The following KCNH8 variants were observed in gnomAD, a reference collection of about 807,000 sequenced individuals.
The protein encoded by KCNH8 is potassium voltage-gated channel subfamily H member 8.
A neutral mutation model predicts 103.6 loss-of-function variants in KCNH8; 70 were observed. The ratio of observed to expected loss-of-function variants is 0.68; its 90% confidence interval spans 0.56 to 0.82. KCNH8 has a LOEUF of 0.82. KCNH8 is among the 40% of genes least tolerant of loss of function. The pLI, the probability that KCNH8 is intolerant of heterozygous loss-of-function variation, is 0.00. For missense variants in KCNH8, 1,217 were observed against 1,329.9 expected (o/e 0.92, Z 1.32); for synonymous variants, 498 against 489.4 (o/e 1.02, Z -0.23).
intron 1 of KCNH8, among the ~76,000 whole-genome samples, chr3:19,176,267 C>G (rs1267195641): frequency 2.0e-5 from 3 of 152,080 alleles, no homozygotes; most frequent in Non-Finnish European, 4.4e-5. Context: ...AAGCTGGAGG[C>G]TTAGAGAGGC....
intron 3 of KCNH8, among the ~76,000 whole-genome samples, chr3:19,330,535 T>G (rs764603638): frequency 2.6e-5 from 4 of 152,200 alleles, no homozygotes; most frequent in Non-Finnish European, 5.9e-5. Context: ...TTAAGTTGAA[T>G]TGAAGTTATT....
intron 11 of KCNH8, among the ~76,000 whole-genome samples, chr3:19,506,464 A>G (rs1362314633): frequency 1.3e-5 from 2 of 152,156 alleles, no homozygotes; most frequent in Admixed American, 6.5e-5. Context: ...CTGTGATTCA[A>G]TAGGTGGTGC....
chr3:19,498,515 C>T (rs1274147455), intron 11 of KCNH8, among the ~76,000 whole-genome samples: 2 of 152,138 alleles, frequency 1.3e-5, no homozygotes, highest in Non-Finnish European at 2.9e-5. Context: ...CTTAGTTTGG[C>T]TGGATATAAA....
intron 15 of KCNH8, among the ~76,000 whole-genome samples, chr3:19,519,407 T>C (rs931699758): frequency 6.6e-6 from 1 of 151,758 alleles, no homozygotes; most frequent in Admixed American, 6.6e-5. Context: ...TAGCTTGTCA[T>C]AAACTCTGCA....
At chr3:19,429,647 G>A (rs2067089795) in intron 7 of KCNH8, among the ~76,000 whole-genome samples, 4 of 152,098 alleles carry the variant, frequency 2.6e-5, no homozygotes, top group African/African-American at 9.7e-5. Context: ...TTTCATGCGA[G>A]TTTTTGTACA....
intron 1 of KCNH8, among the ~76,000 whole-genome samples, chr3:19,173,064 A>G (rs962773780): frequency 6.6e-6 from 1 of 152,212 alleles, no homozygotes; most frequent in Non-Finnish European, 1.5e-5. Flanking sequence ...CTCTCAACTC[A>G]GGCTACATAT....
chr3:19,290,091 G>A (rs2064896445), intron 3 of KCNH8, among the ~76,000 whole-genome samples: 1 of 152,088 alleles, frequency 6.6e-6, no homozygotes, highest in South Asian at 2.1e-4. Context: ...TTTGTACATT[G>A]ATTTTGTATC....
chr3:19,488,279 T>C (rs761706211), intron 11 of KCNH8, among the ~76,000 whole-genome samples: 37 of 152,230 alleles, frequency 2.4e-4, no homozygotes, highest in Non-Finnish European at 4.7e-4. Context: ...CTCCTTTTCT[T>C]TCCCTTTTGG....
intron 3 of KCNH8, among the ~76,000 whole-genome samples, chr3:19,306,565 C>G (rs139344598): frequency 2.2e-4 from 34 of 152,140 alleles, no homozygotes; most frequent in African/African-American, 7.5e-4. Flanking sequence ...GGTCATACAG[C>G]TAGCAAGTAC....
chr3:19,173,992 CT>C (rs148923493), intron 1 of KCNH8, among the ~76,000 whole-genome samples: 5,744 of 149,928 alleles, frequency 0.038, 392 homozygotes, highest in African/African-American at 0.13. Flanking sequence ...AATCACATTC[CT>C]TTTTTTTCTC....
At chr3:19,304,758 A>G (rs1458269222) in intron 3 of KCNH8, among the ~76,000 whole-genome samples, 1 of 152,308 alleles carries the variant, frequency 6.6e-6, no homozygotes, top group East Asian at 1.9e-4. Context: ...TGTGCTGTCC[A>G]GTACAGTAAC....
intron 7 of KCNH8, among the ~76,000 whole-genome samples, chr3:19,430,126 T>C (rs1025395191): frequency 3.9e-5 from 6 of 152,208 alleles, no homozygotes; most frequent in African/African-American, 4.8e-5. Flanking sequence ...CTTTAATCCA[T>C]CTTGAGTTCA....
intron 1 of KCNH8, among the ~76,000 whole-genome samples, chr3:19,241,736 A>T (rs1319753790): frequency 6.6e-6 from 1 of 152,048 alleles, no homozygotes. Context: ...ACACACACAC[A>T]CACACACACA....
intron 7 of KCNH8, among the ~76,000 whole-genome samples, chr3:19,402,001 C>T (rs1408693775): frequency 6.6e-6 from 1 of 151,838 alleles, no homozygotes; most frequent in African/African-American, 2.4e-5. Flanking sequence ...ACCACAGTTT[C>T]CAAATGTGTT....
chr3:19,498,999 G>A (rs2068512919), intron 11 of KCNH8, among the ~76,000 whole-genome samples: 1 of 152,084 alleles, frequency 6.6e-6, no homozygotes, highest in Non-Finnish European at 1.5e-5. Context: ...AGATGGCTAT[G>A]GGAGGACATT....
At chr3:19,512,296 G>C (rs2068796315) in intron 12 of KCNH8, among the ~76,000 whole-genome samples, 1 of 152,154 alleles carries the variant, frequency 6.6e-6, no homozygotes, top group Non-Finnish European at 1.5e-5. Context: ...TCCCAGTCAA[G>C]AGTCCAGTAG....
chr3:19,199,362 G>A (rs532466411), intron 1 of KCNH8, among the ~76,000 whole-genome samples: 2 of 151,980 alleles, frequency 1.3e-5, no homozygotes, highest in African/African-American at 2.4e-5. Flanking sequence ...GAAACAAAGG[G>A]CATCACATCC....
At chr3:19,311,113 A>G (rs1462237658) in intron 3 of KCNH8, among the ~76,000 whole-genome samples, 1 of 151,576 alleles carries the variant, frequency 6.6e-6, no homozygotes, top group Non-Finnish European at 1.5e-5. Context: ...GCCCTACCCA[A>G]ACTCCCTTTA....
chr3:19,204,158 C>T (rs1392100097), intron 1 of KCNH8, among the ~76,000 whole-genome samples: 2 of 152,030 alleles, frequency 1.3e-5, no homozygotes, highest in African/African-American at 2.4e-5. Context: ...CCTCCCTGCT[C>T]ATAATGGCTA....
Sources: gnomAD v4.1 joint callset for allele counts (sites outside exome capture counted in the v4.1 genomes callset) on GRCh38, gnomAD v4.1.1 for gene constraint, MANE v1.5 for transcripts, NCBI Gene and HGNC (gene_info 2026-07-23, HGNC 2026-07-21) for gene names.